The following PTPRK variants were observed in gnomAD, a reference collection of about 807,000 sequenced individuals.
PTPRK encodes the protein protein tyrosine phosphatase receptor type K, also known as receptor-type tyrosine-protein phosphatase kappa.
In PTPRK, 75 loss-of-function variants were observed where a neutral mutation model predicts 178.0. The observed-to-expected ratio is 0.42, with a 90% confidence interval of 0.35 to 0.51. The LOEUF is 0.51. PTPRK is among the 20% of genes least tolerant of loss of function. The pLI is 0.02. For synonymous variants in PTPRK, 637 were observed against 620.6 expected (o/e 1.03, Z -0.39); for missense variants, 1,441 against 1,797.8 (o/e 0.80, Z 3.59).
chr6:128,190,910 T>C (rs1268907225), intron 6 of PTPRK, among the ~76,000 whole-genome samples: 1 of 152,174 alleles, frequency 6.6e-6, no homozygotes, highest in Non-Finnish European at 1.5e-5. Context: ...GAGGCCCCTA[T>C]GCCAGTACCT....
intron 7 of PTPRK, among the ~76,000 whole-genome samples, chr6:128,116,787 G>A (rs1477865697): frequency 2.6e-5 from 4 of 152,186 alleles, no homozygotes; most frequent in Admixed American, 6.5e-5. Flanking sequence ...CTTGTGTTGA[G>A]CAATCATTTA....
At chr6:128,141,216 A>G (rs377306311) in intron 7 of PTPRK, among the ~76,000 whole-genome samples, 1 of 151,960 alleles carries the variant, frequency 6.6e-6, no homozygotes, top group East Asian at 1.9e-4. Flanking sequence ...AACCTTGAAA[A>G]TGTATAACTA....
intron 7 of PTPRK, among the ~76,000 whole-genome samples, chr6:128,155,132 T>A (rs1290227902): frequency 6.6e-6 from 1 of 151,788 alleles, no homozygotes; most frequent in Non-Finnish European, 1.5e-5. Flanking sequence ...ATTTCTTTGC[T>A]TAGTATTATT....
chr6:128,052,422 G>T (rs1178386656), intron 13 of PTPRK, among the ~76,000 whole-genome samples: 1 of 151,998 alleles, frequency 6.6e-6, no homozygotes, highest in Admixed American at 6.6e-5. Flanking sequence ...ATATCTCTTT[G>T]GTCCCCTTCA....
At chr6:128,409,276 T>C in intron 1 of PTPRK, 1 of 450,920 alleles carries the variant, frequency 2.2e-6, no homozygotes, top group Non-Finnish European at 4.4e-6. Flanking sequence ...TCTCCTGACA[T>C]CTAATTACAT....
chr6:128,175,876 T>G (rs1330799124), intron 7 of PTPRK, among the ~76,000 whole-genome samples: 1 of 151,828 alleles, frequency 6.6e-6, no homozygotes, highest in Non-Finnish European at 1.5e-5. Flanking sequence ...AGTTCACCCA[T>G]GTCACATTTT....
chr6:128,300,417 A>G (rs141089310), intron 3 of PTPRK, among the ~76,000 whole-genome samples: 18,913 of 151,480 alleles, frequency 0.12, 1,852 homozygotes, highest in African/African-American at 0.27. Context: ...AAAGACACAT[A>G]CACACGTATG....
chr6:128,485,643 G>A (rs1032191342), intron 1 of PTPRK, among the ~76,000 whole-genome samples: 1 of 152,204 alleles, frequency 6.6e-6, no homozygotes, highest in Non-Finnish European at 1.5e-5. Flanking sequence ...GCTAGCGAAT[G>A]AAGGAAGAGC....
At chr6:128,279,252 T>G (rs1821301640) in intron 3 of PTPRK, among the ~76,000 whole-genome samples, 1 of 151,050 alleles carries the variant, frequency 6.6e-6, no homozygotes, top group Admixed American at 6.6e-5. Context: ...TTGTTTAGCA[T>G]GTATGCCTGT....
chr6:128,412,062 T>C (rs1317322536), intron 1 of PTPRK, among the ~76,000 whole-genome samples: 1 of 152,220 alleles, frequency 6.6e-6, no homozygotes, highest in East Asian at 1.9e-4. Context: ...ATTATTTAAA[T>C]CCATAAAAAA....
At chr6:128,202,224 C>G (rs975409893) in intron 6 of PTPRK, among the ~76,000 whole-genome samples, 3 of 152,122 alleles carry the variant, frequency 2.0e-5, no homozygotes, top group African/African-American at 7.2e-5. Context: ...TGGCCCACTT[C>G]GGGGAGACAT....
chr6:128,507,663 AAGAGAGGC>A (rs1452865711), intron 1 of PTPRK, among the ~76,000 whole-genome samples: 3 of 152,154 alleles, frequency 2.0e-5, no homozygotes, highest in Admixed American at 6.5e-5. Context: ...AAGTCCAGGC[AAGAGAGGC>A]AGTTCATAAG....
Position 128,005,173 on chromosome 6 carries a change from A to G in PTPRK, c.2405T>C (p.Met802Thr). The G allele has an allele frequency of 6.2e-7, 1 of 1,611,792 alleles. No homozygotes were observed. The highest frequency in any genetic ancestry group is 1.1e-5 in the South Asian group (1 of 90,996). Residue 802 changes from methionine to threonine, a missense_variant, in exon 15 of 30, where the codon ATG (methionine) becomes ACG (threonine). This residue lies in a region of PTPRK where 945 missense variants were observed against 1,080.6 expected (regional missense o/e 0.87). Coordinates refer to ENST00000368226, the MANE Select transcript of PTPRK (RefSeq NM_002844.4). ...GCTCTGATCAGCATAACTTCGATCCATTGCATTCACCATGTGAGTCATCTC... is the reference window on the plus strand; with the variant it reads ...GCTCTGATCAGCATAACTTCGATCCGTTGCATTCACCATGTGAGTCATCTC... Reference protein sequence around the residue: ...RQEMTHMVNAMDRSYADQSTL... With the variant: ...RQEMTHMVNATDRSYADQSTL...
At chr6:128,176,695 A>G (rs989081054) in intron 7 of PTPRK, among the ~76,000 whole-genome samples, 1 of 151,762 alleles carries the variant, frequency 6.6e-6, no homozygotes, top group African/African-American at 2.4e-5. Context: ...AGAGGAAAGA[A>G]GATTGAAGAG....
chr6:128,109,403 TG>T (rs951470590), intron 7 of PTPRK, among the ~76,000 whole-genome samples: 1 of 152,328 alleles, frequency 6.6e-6, no homozygotes, highest in African/African-American at 2.4e-5. Flanking sequence ...ATGTTAAATG[TG>T]TTTTTAAACT....
At chr6:128,485,693 A>G (rs551981380) in intron 1 of PTPRK, among the ~76,000 whole-genome samples, 2 of 152,312 alleles carry the variant, frequency 1.3e-5, no homozygotes, top group South Asian at 4.1e-4. Context: ...AAGGGGACCA[A>G]GACTGAAAGT....
intron 7 of PTPRK, among the ~76,000 whole-genome samples, chr6:128,158,061 T>C (rs535966255): frequency 1.4e-4 from 21 of 152,170 alleles, no homozygotes; most frequent in Non-Finnish European, 2.4e-4. Context: ...AGGGTTTTTA[T>C]GGTTTTAGGT....
rs896736928 is a variant in PTPRK, at chr6:127,980,981, A to C, written c.3711+135T>G. ...AAACCTAAAATCATTTTCCAAAAAA[A>C]TGTGTTTCAATAAAAGTTTCCACTT... On this transcript the variant is annotated intron_variant, in intron 25 of 29. Coordinates refer to ENST00000368226, the MANE Select transcript of PTPRK (RefSeq NM_002844.4). 3.6e-6 allele frequency: 3 copies of C among 828,714 alleles called. No homozygotes were observed. In the African/African-American group the frequency reaches 5.1e-5, roughly 14 times the overall value. The allele number at this position is 828,714 out of a possible 1,614,324, so 51.3% of individuals were successfully genotyped here.
intron 7 of PTPRK, among the ~76,000 whole-genome samples, chr6:128,179,430 G>GC (rs1308852750): frequency 6.6e-6 from 1 of 151,824 alleles, no homozygotes; most frequent in African/African-American, 2.4e-5. Context: ...TTGAAGAACT[G>GC]CTTCCATTAC....
Sources: allele counts gnomAD v4.1 joint callset (sites outside exome capture counted in the v4.1 genomes callset), GRCh38; gene constraint gnomAD v4.1.1; regional missense constraint gnomAD v4.1.1; transcripts MANE v1.5; gene names NCBI Gene and HGNC (gene_info 2026-07-23, HGNC 2026-07-21).